The following SCRG1 variants were observed in gnomAD, a reference collection of about 807,000 sequenced individuals.
The protein encoded by SCRG1 is scrapie-responsive protein 1.
Under a neutral mutation model 7.7 loss-of-function variants are expected in SCRG1, and 3 were observed. The observed-to-expected ratio is 0.39, with a 90% CI of 0.18 to 1.01. The LOEUF is 1.01. SCRG1 is among the 50% of genes least tolerant of loss of function. The probability of loss-of-function intolerance (pLI) is 0.36; values close to 1 mark genes in which losing one functional copy is unlikely to be tolerated. For missense variants in SCRG1, 110 were observed against 117.2 expected (o/e 0.94, Z 0.28); for synonymous variants, 46 against 41.2 (o/e 1.12, Z -0.44).
the SCRG1 span, among the ~76,000 whole-genome samples, chr4:173,422,639 T>A: frequency 6.6e-6 from 1 of 152,202 alleles, no homozygotes. Flanking sequence ...TTCTAAATTG[T>A]TAAACAAGAG....
intron 1 of SCRG1, chr4:173,406,141 C>G (rs148001752): frequency 2.0e-5 from 3 of 152,366 alleles, no homozygotes; most frequent in Non-Finnish European, 4.4e-5. Flanking sequence ...GCTTCCTCCT[C>G]TTGCTCATCT....
At chr4:173,416,216 T>G in the SCRG1 span, among the ~76,000 whole-genome samples, 8 of 152,344 alleles carry the variant, frequency 5.3e-5, no homozygotes, top group South Asian at 1.7e-3. Context: ...CAAAGCCTCT[T>G]TATTTAAACA....
chr4:173,394,109 TGTAAA>T (rs1367160517), intron 1 of SCRG1, among the ~76,000 whole-genome samples: 1 of 152,126 alleles, frequency 6.6e-6, no homozygotes, highest in Admixed American at 6.5e-5. Context: ...TCCATTTACA[TGTAAA>T]GTAATTATTG....
At chr4:173,478,946 A>G in the SCRG1 span, among the ~76,000 whole-genome samples, 1 of 152,202 alleles carries the variant, frequency 6.6e-6, no homozygotes, top group African/African-American at 2.4e-5. Context: ...TAAAAAAGGA[A>G]AGAGGTCACT....
the SCRG1 span, among the ~76,000 whole-genome samples, chr4:173,443,646 G>A: frequency 7.2e-5 from 11 of 151,886 alleles, no homozygotes; most frequent in Non-Finnish European, 1.6e-4. Context: ...TGTCCAGGCT[G>A]GTCTTGAACT....
At chr4:173,461,936 T>C in the SCRG1 span, among the ~76,000 whole-genome samples, 1 of 151,740 alleles carries the variant, frequency 6.6e-6, no homozygotes, top group Non-Finnish European at 1.5e-5. Flanking sequence ...TACCGAGGAA[T>C]GTATCAAACC....
At chr4:173,484,754 A>ATATAATACATATTATATATTATATT in the SCRG1 span, among the ~76,000 whole-genome samples, 1 of 33,666 alleles carries the variant, frequency 3.0e-5, no homozygotes, top group Non-Finnish European at 5.8e-5. Flanking sequence ...TATATTATAT[A>ATATAATACATATTATATATTATATT]CATATAATAC....
chr4:173,446,636 A>T, the SCRG1 span: 1 of 152,310 alleles, frequency 6.6e-6, no homozygotes, highest in Non-Finnish European at 1.5e-5. Flanking sequence ...TTTGCATATC[A>T]TCTTTGTGCA....
At chr4:173,502,672 C>T in the SCRG1 span, among the ~76,000 whole-genome samples, 1 of 152,148 alleles carries the variant, frequency 6.6e-6, no homozygotes, top group South Asian at 2.1e-4. This position sits in a 1 kb window ranked among gnomAD's most constrained non-coding sequence, Gnocchi z 4.6. Flanking sequence ...CTGTTGCATC[C>T]CCAGCTTTCA....
chr4:173,455,691 AG>A, the SCRG1 span, among the ~76,000 whole-genome samples: 1 of 152,220 alleles, frequency 6.6e-6, no homozygotes, highest in Non-Finnish European at 1.5e-5. Flanking sequence ...ATGTGAAAAA[AG>A]CAGTCAAAGT....
upstream of SCRG1, among the ~76,000 whole-genome samples, chr4:173,408,856 G>A (rs1187511421): frequency 6.6e-6 from 1 of 151,918 alleles, no homozygotes; most frequent in Non-Finnish European, 1.5e-5. Flanking sequence ...AGCCGGATGT[G>A]GTGGCGGGCG....
At chr4:173,436,092 A>G in the SCRG1 span, among the ~76,000 whole-genome samples, 1,378 of 129,624 alleles carry the variant, frequency 0.011, 13 homozygotes, top group African/African-American at 0.036. Flanking sequence ...AATTAAAAGG[A>G]TGAAAAAAAC....
chr4:173,467,739 T>C, the SCRG1 span: 1 of 152,288 alleles, frequency 6.6e-6, no homozygotes, highest in African/African-American at 2.4e-5. Context: ...AAAAGCCACA[T>C]GTGTTCTGAT....
chr4:173,445,163 T>C, the SCRG1 span, among the ~76,000 whole-genome samples: 2 of 152,148 alleles, frequency 1.3e-5, no homozygotes, highest in Non-Finnish European at 2.9e-5. Flanking sequence ...TACATAGAAA[T>C]TGATGAATTA....
At chr4:173,409,293 T>A (rs969395191), upstream of SCRG1, among the ~76,000 whole-genome samples, 7 of 152,176 alleles carry the variant, frequency 4.6e-5, no homozygotes, top group African/African-American at 1.4e-4. Context: ...CCTCTTAACA[T>A]TATAACAGGG....
the SCRG1 span, among the ~76,000 whole-genome samples, chr4:173,483,474 T>C: frequency 2.7e-4 from 13 of 48,034 alleles, 1 homozygote; most frequent in East Asian, 5.7e-4. Flanking sequence ...TATATTATAT[T>C]CTGATATATA....
the SCRG1 span, among the ~76,000 whole-genome samples, chr4:173,483,356 T>TATGTA: frequency 7.9e-5 from 3 of 38,080 alleles, 1 homozygote; most frequent in East Asian, 3.2e-3. Flanking sequence ...TGATATATTA[T>TATGTA]ATATTATATG....
chr4:173,478,152 C>T, the SCRG1 span, among the ~76,000 whole-genome samples: 15 of 152,150 alleles, frequency 9.9e-5, no homozygotes, highest in Non-Finnish European at 1.8e-4. Context: ...AACATAATTC[C>T]GACTTAATAT....
chr4:173,457,143 G>T, the SCRG1 span, among the ~76,000 whole-genome samples: 1 of 152,238 alleles, frequency 6.6e-6, no homozygotes, highest in Non-Finnish European at 1.5e-5. Context: ...GCTCCTTCAT[G>T]ACCCATGGCG....
Sources: gnomAD v4.1 joint callset for allele counts (sites outside exome capture counted in the v4.1 genomes callset) on GRCh38, gnomAD v4.1.1 for gene constraint, Gnocchi (gnomAD v3.1) non-coding constraint, MANE v1.5 for transcripts, NCBI Gene and HGNC (gene_info 2026-07-23, HGNC 2026-07-21) for gene names.